The following NUGGC variants were observed in gnomAD, a reference collection of about 807,000 sequenced individuals.
NUGGC encodes the protein nuclear GTPase, germinal center associated, also known as nuclear GTPase SLIP-GC.
Under a neutral mutation model 92.6 loss-of-function variants are expected in NUGGC, and 58 were observed. That is an observed-to-expected ratio of 0.63 (90% CI 0.51 to 0.78). The LOEUF is 0.78. NUGGC is among the 30% of genes least tolerant of loss of function. The probability of loss-of-function intolerance (pLI) is 0.00; values close to 1 mark genes in which losing one functional copy is unlikely to be tolerated. For synonymous variants in NUGGC, 376 were observed against 366.4 expected (o/e 1.03, Z -0.30); for missense variants, 925 against 964.6 (o/e 0.96, Z 0.54).
intron 17 of NUGGC, 49 bp downstream of exon 17, chr8:28,029,217 C>T (rs776714468): frequency 5.2e-5 from 82 of 1,567,952 alleles, no homozygotes; most frequent in Non-Finnish European, 6.8e-5. Context: ...TTCCTCTCCT[C>T]CCCCGGAGCC....
chr8:28,063,725 G>T (rs1309546424), intron 7 of NUGGC, among the ~76,000 whole-genome samples: 1 of 152,196 alleles, frequency 6.6e-6, no homozygotes, highest in Non-Finnish European at 1.5e-5. Flanking sequence ...GTGACTGGAA[G>T]TCGTGGTTAC....
intron 1 of NUGGC, among the ~76,000 whole-genome samples, chr8:28,081,073 C>A (rs1810838439): frequency 1.3e-5 from 2 of 152,154 alleles, no homozygotes; most frequent in Admixed American, 1.3e-4. Context: ...AATTCTAGCA[C>A]CTTGGGAGGC....
chr8:28,034,239 G>T (rs1269141838), intron 13 of NUGGC, among the ~76,000 whole-genome samples: 1 of 152,252 alleles, frequency 6.6e-6, no homozygotes, highest in African/African-American at 2.4e-5. Flanking sequence ...ATGTCTTGGC[G>T]ATGTTTTTTT....
intron 13 of NUGGC, among the ~76,000 whole-genome samples, chr8:28,040,627 T>TTTTTTTG (rs1230118500): frequency 1.3e-5 from 2 of 151,958 alleles, no homozygotes; most frequent in African/African-American, 2.4e-5. Context: ...TCTGGCTCTT[T>TTTTTTTG]TTTTTTGTTT....
At position 28,033,643 on chromosome 8, in the gene NUGGC, T is replaced by A; in HGVS notation, c.1666A>T (p.Asn556Tyr). The A allele has an allele frequency of 6.2e-7, 1 of 1,613,994 alleles. No individual in the cohort carries two copies. The highest frequency in any genetic ancestry group is 1.1e-5 in the South Asian group (1 of 91,074). Residue 556 changes from asparagine (N) to tyrosine (Y), a missense_variant, in exon 14 of 19, where the codon AAT becomes TAT. Asn to Tyr is a moderately radical substitution (Grantham distance 143). Transcript: ENST00000413272. ...AGAGTCCTGGAGGCATAGATGCCAT[T>A]TTTCAGGCAAACAGCTTTCAGGGTC... is the stretch of plus-strand genomic sequence containing the variant. ...HQTLKAVCLK[N>Y]GIYASRTLAR...
In NUGGC at chr8:28,022,451, C is replaced by G. The variant is rs1177112950; in HGVS notation, c.*866G>C. ...GGGATTACGGGAGTGAGCCACCATG[C>G]CCAGCGATGTTTAGATGTTTTTGCG... On this transcript the variant is annotated 3_prime_UTR_variant, in exon 19 of 19. Transcript: ENST00000413272. The G allele has an allele frequency of 1.3e-5, 2 of 150,756 alleles. No individual in the cohort carries two copies. The highest frequency in any genetic ancestry group is 3.0e-5 in the Non-Finnish European group (2 of 67,156). 9.3% of individuals were successfully genotyped at this position (150,756 alleles called of 1,614,324 possible).
intron 1 of NUGGC, among the ~76,000 whole-genome samples, chr8:28,075,277 C>A (rs973255811): frequency 6.6e-6 from 1 of 152,134 alleles, no homozygotes; most frequent in Non-Finnish European, 1.5e-5. Context: ...GGACACCCCT[C>A]CTGGGCTCTC....
intron 1 of NUGGC, among the ~76,000 whole-genome samples, chr8:28,075,435 A>T (rs1810697494): frequency 6.6e-6 from 1 of 152,206 alleles, no homozygotes; most frequent in African/African-American, 2.4e-5. Flanking sequence ...CTCAGAACAG[A>T]GGGCACTGCC....
rs1012611191 is a variant in NUGGC at position 28,063,137 on chromosome 8, G to C, written c.921+1385C>G. On this transcript the variant is annotated intron_variant, in intron 7 of 18. Coordinates refer to ENST00000413272, the MANE Select transcript of NUGGC (RefSeq NM_001010906.2). ...AAGACTGGCAGCCTGAGAGACATAG[G>C]GAGGGCAACTGTGTCGTTCTCCCTG... Among the ~76,000 whole-genome samples, 15 of 152,272 alleles carry C rather than the reference G, an allele frequency of 9.9e-5. 1 individual carries two copies. The highest frequency in any genetic ancestry group is 9.8e-4 in the Admixed American group (15 of 15,302).
rs778603336 is a variant in NUGGC, at chr8:28,060,456, A to G, written c.1067T>C (p.Met356Thr). Residue 356 changes from methionine to threonine, a missense_variant, in exon 8 of 19, where the codon ATG (methionine) becomes ACG (threonine). Met to Thr is a moderately conservative substitution (Grantham distance 81, BLOSUM62 -1). Transcript: ENST00000413272. ...GTATTCTGGCAAGTGGAGTTTGTCC[A>G]TCTTGGTGACCACCAGGGCCACGTC... ...CRDVALVVTK[M>T]DKLHLPEYLR... 3 of 1,613,854 alleles carry G rather than the reference A, an allele frequency of 1.9e-6. No individual in the cohort carries two copies. The highest frequency in any genetic ancestry group is 3.3e-5 in the Admixed American group (2 of 60,006).
intron 10 of NUGGC, among the ~76,000 whole-genome samples, chr8:28,051,011 T>TG (rs1418518694): frequency 1.3e-5 from 2 of 152,122 alleles, no homozygotes; most frequent in African/African-American, 4.8e-5. Flanking sequence ...TTGTTAGAGA[T>TG]GGGGGTCTTG....
intron 18 of NUGGC, among the ~76,000 whole-genome samples, chr8:28,024,184 C>A (rs1429306272): frequency 6.7e-6 from 1 of 149,394 alleles, no homozygotes; most frequent in Non-Finnish European, 1.5e-5. Flanking sequence ...CCTCGCCTAG[C>A]TAAATTCTTT....
At chr8:28,028,718 G>A (rs11997137) in intron 17 of NUGGC, among the ~76,000 whole-genome samples, 65,709 of 152,070 alleles carry the variant, frequency 0.43, 14,863 homozygotes, top group Middle Eastern at 0.5. Context: ...ATCAGGAACT[G>A]TCTTCGGGGG....
chr8:28,050,012 G>A (rs1486362327), intron 10 of NUGGC, among the ~76,000 whole-genome samples: 1 of 152,128 alleles, frequency 6.6e-6, no homozygotes, highest in African/African-American at 2.4e-5. Context: ...CCTTGAGCCT[G>A]GGAAGCAGAG....
chr8:28,078,111 C>G (rs1810766803), intron 1 of NUGGC, among the ~76,000 whole-genome samples: 1 of 152,214 alleles, frequency 6.6e-6, no homozygotes, highest in Non-Finnish European at 1.5e-5. Flanking sequence ...GCAATGAAGA[C>G]AGAAAACCAC....
chr8:28,079,932 T>TTTTTG (rs1554491301), intron 1 of NUGGC, among the ~76,000 whole-genome samples: 2 of 150,830 alleles, frequency 1.3e-5, no homozygotes, highest in African/African-American at 2.4e-5. Flanking sequence ...TTCTTTGTTT[T>TTTTTG]TTTGTTTGTT....
Position 28,023,379 on chromosome 8 carries a change from T to C in NUGGC, c.2329A>G (p.Met777Val). The change falls in exon 19 of 19, where the codon ATG (methionine) becomes GTG (valine). Residue 777 changes from methionine to valine, a missense_variant. Met to Val is a conservative substitution (Grantham distance 21). Transcript: ENST00000413272. The stretch of plus-strand genomic sequence containing the variant: ...GATGCCCTTAGGAGGAATTCTTGCA[T>C]GCCCTTCCTCAGCCGTGCATTCTCC... ...VAENARLRKG[M>V]QEFLLRASPS... 6.2e-7 allele frequency: 1 copy of C among 1,614,036 alleles called. No homozygotes were observed. Among genetic ancestry groups the C allele is most frequent in the Non-Finnish European group, 8.5e-7 (1 of 1,179,880 alleles).
intron 6 of NUGGC, among the ~76,000 whole-genome samples, chr8:28,065,262 G>A (rs943907953): frequency 7.0e-6 from 1 of 142,426 alleles, no homozygotes; most frequent in Non-Finnish European, 1.5e-5. Flanking sequence ...CCGGGTTCAC[G>A]CCATTCTCCT....
intron 12 of NUGGC, among the ~76,000 whole-genome samples, chr8:28,044,775 T>C (rs1809786377): frequency 6.6e-6 from 1 of 152,160 alleles, no homozygotes; most frequent in African/African-American, 2.4e-5. Flanking sequence ...TGGCTGCAGG[T>C]TGTGGTCAGA....
Sources: allele counts gnomAD v4.1 joint callset (sites outside exome capture counted in the v4.1 genomes callset), GRCh38; gene constraint gnomAD v4.1.1; transcripts MANE v1.5; gene names NCBI Gene and HGNC (gene_info 2026-07-23, HGNC 2026-07-21).